ARHGAP12: variants seen among roughly 807,000 people sequenced by gnomAD.
The protein encoded by ARHGAP12 is rho GTPase-activating protein 12.
ARHGAP12 carries 64 observed loss-of-function variants against 108.6 expected under a neutral mutation model. That is an observed-to-expected ratio of 0.59 (90% CI 0.48 to 0.73). The LOEUF is 0.73. Among genes scored for constraint, ARHGAP12 ranks in the 30% least tolerant of loss-of-function variants. The pLI, the probability that ARHGAP12 is intolerant of heterozygous loss-of-function variation, is 0.00. For synonymous variants in ARHGAP12, 312 were observed against 337.2 expected, an observed-to-expected ratio of 0.93 and a Z score of 0.82; for missense variants, 940 against 1,005.9, an observed-to-expected ratio of 0.93 and a Z score of 0.89.
chr10:31,912,410 G>C (rs1345150355), intron 1 of ARHGAP12, among the ~76,000 whole-genome samples: 2 of 152,140 alleles, frequency 1.3e-5, no homozygotes, highest in Non-Finnish European at 2.9e-5. Context: ...TTGTGGGGCT[G>C]GGGACAACAA....
At chr10:31,926,409 G>C (rs1427178827) in intron 1 of ARHGAP12, among the ~76,000 whole-genome samples, 1 of 151,554 alleles carries the variant, frequency 6.6e-6, no homozygotes, top group Admixed American at 6.6e-5. Context: ...AGCCCGATTT[G>C]AAGTACAGTG....
intron 3 of ARHGAP12, among the ~76,000 whole-genome samples, chr10:31,862,705 GACACACACACACACACAC>G (rs559731195): frequency 6.2e-4 from 82 of 133,186 alleles, no homozygotes; most frequent in East Asian, 4.7e-3. Flanking sequence ...TGCACACACA[GACACACACACACACACAC>G]ACACACACAC....
At chr10:31,817,057 A>C (rs1027765035) in intron 13 of ARHGAP12, among the ~76,000 whole-genome samples, 1 of 152,142 alleles carries the variant, frequency 6.6e-6, no homozygotes, top group Non-Finnish European at 1.5e-5. Context: ...AGAGTATAAA[A>C]AAGTGCAAGC....
intron 7 of ARHGAP12, among the ~76,000 whole-genome samples, chr10:31,842,771 A>T (rs1403932580): frequency 6.6e-6 from 1 of 152,140 alleles, no homozygotes; most frequent in Non-Finnish European, 1.5e-5. Flanking sequence ...AAACCTTTAC[A>T]TTTCAAAATC....
chr10:31,839,353 G>A, intron 8 of ARHGAP12, 34 bp from the exon 9 acceptor site: 1 of 1,584,240 alleles, frequency 6.3e-7, no homozygotes, highest in East Asian at 2.3e-5. Context: ...TAATGTCATA[G>A]TATTGTCTGG....
chr10:31,835,613 T>C (rs534013743), intron 9 of ARHGAP12, among the ~76,000 whole-genome samples: 1 of 152,368 alleles, frequency 6.6e-6, no homozygotes, highest in South Asian at 2.1e-4. Flanking sequence ...TTTAGTAAAG[T>C]AGGTACTTCT....
intron 1 of ARHGAP12, among the ~76,000 whole-genome samples, chr10:31,924,642 T>C (rs897893901): frequency 1.3e-5 from 2 of 152,180 alleles, no homozygotes; most frequent in East Asian, 1.9e-4. Context: ...TTTAAAAATA[T>C]ATATTATGTA....
intron 1 of ARHGAP12, among the ~76,000 whole-genome samples, chr10:31,916,578 C>CA (rs542788995): frequency 1.5e-4 from 23 of 152,136 alleles, no homozygotes; most frequent in Non-Finnish European, 3.1e-4. Flanking sequence ...AGAGGTATAT[C>CA]AAAAAAAGTA....
chr10:31,869,328 G>A (rs988614337), intron 3 of ARHGAP12, among the ~76,000 whole-genome samples: 1 of 152,188 alleles, frequency 6.6e-6, no homozygotes, highest in African/African-American at 2.4e-5. Context: ...CCTGAGGTCA[G>A]AAATTCAAGA....
chr10:31,831,663 C>A, intron 10 of ARHGAP12, 76 bp downstream of exon 10: 1 of 996,026 alleles, frequency 1.0e-6, no homozygotes. Flanking sequence ...ATTGTTTATA[C>A]TAAAATAATT....
At chr10:31,817,589 A>T (rs1238149882) in intron 13 of ARHGAP12, among the ~76,000 whole-genome samples, 199 bp downstream of exon 13, 1 of 152,214 alleles carries the variant, frequency 6.6e-6, no homozygotes, top group Non-Finnish European at 1.5e-5. Flanking sequence ...CTGGTAGCAA[A>T]CATCACATAA....
chr10:31,855,278 T>C (rs915813021), intron 4 of ARHGAP12, among the ~76,000 whole-genome samples: 5 of 152,176 alleles, frequency 3.3e-5, no homozygotes, highest in Admixed American at 2.0e-4. Flanking sequence ...CACCATAATA[T>C]GACTAAATGG....
At chr10:31,868,967 A>C (rs992143756) in intron 3 of ARHGAP12, among the ~76,000 whole-genome samples, 19 of 152,172 alleles carry the variant, frequency 1.2e-4, no homozygotes, top group African/African-American at 4.6e-4. Context: ...GTTCATTATT[A>C]TTCAAAAGTC....
At chr10:31,825,291 G>A (rs1373971016) in intron 11 of ARHGAP12, among the ~76,000 whole-genome samples, 2 of 151,816 alleles carry the variant, frequency 1.3e-5, no homozygotes, top group East Asian at 3.9e-4. Flanking sequence ...TTTTATAAAT[G>A]GACTTTTCTT....
chr10:31,847,064 G>T (rs796842132), intron 6 of ARHGAP12, among the ~76,000 whole-genome samples: 4 of 151,890 alleles, frequency 2.6e-5, no homozygotes, highest in African/African-American at 9.7e-5. Flanking sequence ...TTTCCCTTTG[G>T]TTTTTCTGTA....
chr10:31,894,699 A>G (rs532708252), intron 3 of ARHGAP12, among the ~76,000 whole-genome samples: 1 of 152,370 alleles, frequency 6.6e-6, no homozygotes, highest in East Asian at 1.9e-4. Context: ...ATTCATTGCC[A>G]TCCCCAACAA....
At chr10:31,911,213 G>T (rs1181596054) in intron 1 of ARHGAP12, among the ~76,000 whole-genome samples, 1 of 152,032 alleles carries the variant, frequency 6.6e-6, no homozygotes, top group Non-Finnish European at 1.5e-5. Flanking sequence ...TATTAGAGAT[G>T]GGGTTTTGCC....
intron 13 of ARHGAP12, among the ~76,000 whole-genome samples, chr10:31,816,851 C>A (rs944991968): frequency 6.6e-6 from 1 of 152,066 alleles, no homozygotes; most frequent in African/African-American, 2.4e-5. Context: ...AAAGAAAGGA[C>A]AAGATTCAGA....
intron 3 of ARHGAP12, among the ~76,000 whole-genome samples, chr10:31,883,582 T>C (rs894388627): frequency 4.6e-5 from 7 of 152,226 alleles, no homozygotes; most frequent in African/African-American, 1.7e-4. Flanking sequence ...CCTTCCTCTT[T>C]CCATCCTTAC....
Sources: gnomAD v4.1 joint callset for allele counts (sites outside exome capture counted in the v4.1 genomes callset) on GRCh38, gnomAD v4.1.1 for gene constraint, MANE v1.5 for transcripts, NCBI Gene and HGNC (gene_info 2026-07-23, HGNC 2026-07-21) for gene names.